ZDHHC17: variants seen among roughly 807,000 people sequenced by gnomAD.
ZDHHC17 encodes zDHHC palmitoyltransferase 17, also known as palmitoyltransferase ZDHHC17.
ZDHHC17 carries 40 observed loss-of-function variants against 90.3 expected under a neutral mutation model. The observed-to-expected ratio is 0.44, with a 90% CI of 0.34 to 0.58. The LOEUF is 0.58. Ranked by LOEUF, ZDHHC17 falls within the 20% of genes least tolerant of loss-of-function variation. The probability of loss-of-function intolerance (pLI) is 0.01; values close to 1 mark genes in which losing one functional copy is unlikely to be tolerated. For missense variants in ZDHHC17, 614 were observed against 780.8 expected, an observed-to-expected ratio of 0.79 and a Z score of 2.55; for synonymous variants, 235 against 252.4, an observed-to-expected ratio of 0.93 and a Z score of 0.65.
intron 10 of ZDHHC17, among the ~76,000 whole-genome samples, chr12:76,831,572 G>A (rs1209439846): frequency 6.6e-6 from 1 of 152,120 alleles, no homozygotes; most frequent in Non-Finnish European, 1.5e-5. Flanking sequence ...GACTGGTCTT[G>A]AACTCCTGAC....
chr12:76,798,526 T>C (rs1952849800), intron 2 of ZDHHC17, among the ~76,000 whole-genome samples: 1 of 149,276 alleles, frequency 6.7e-6, no homozygotes, highest in Non-Finnish European at 1.5e-5. Context: ...GCTTGGGCAA[T>C]AGAATGAGAC....
chr12:76,846,662 T>A lies in ZDHHC17; in HGVS notation c.1490T>A (p.Ile497Asn). The change falls in exon 14 of 17, where the codon ATT (isoleucine) becomes AAT (asparagine). Residue 497 changes from isoleucine (I) to asparagine (N), a missense_variant. Transcript: ENST00000426126. ...FFLLFMICWM[I>N]YGCISYWGLH... ...TTGCTTTTTATGATCTGCTGGATGA[T>A]TTATGGTTGTATATCTTGTGAGTAC... 1 of 1,610,038 alleles carries A rather than the reference T, an allele frequency of 6.2e-7. No individual in the cohort carries two copies. Among genetic ancestry groups the A allele is most frequent in the Non-Finnish European group, 8.5e-7 (1 of 1,177,544 alleles).
At chr12:76,803,042 A>C (rs1952910704) in intron 2 of ZDHHC17, among the ~76,000 whole-genome samples, 1 of 152,006 alleles carries the variant, frequency 6.6e-6, no homozygotes, top group South Asian at 2.1e-4. Context: ...GCTTGAGCCC[A>C]GGAGTTCAAG....
chr12:76,804,220 G>T (rs763096532), intron 2 of ZDHHC17, among the ~76,000 whole-genome samples: 11 of 152,142 alleles, frequency 7.2e-5, no homozygotes, highest in Non-Finnish European at 1.5e-4. Context: ...ACCAGCAGTG[G>T]GATGTTGTAT....
chr12:76,779,492 T>C lies in ZDHHC17; in HGVS notation c.93+15163T>C, dbSNP rs973025153. 7.2e-5 allele frequency among the ~76,000 whole-genome samples: 11 copies of C among 152,052 alleles called. No individual in the cohort carries two copies. In the East Asian group the frequency reaches 2.1e-3, roughly 29 times the overall value. On this transcript the variant is annotated intron_variant, in intron 1 of 16. Transcript: ENST00000426126. ...TATAAAACCATCAGATCTTGTGAGATTACTATCTCACTAGAATAGCATGGG... is the reference window on the plus strand; with the variant it reads ...TATAAAACCATCAGATCTTGTGAGACTACTATCTCACTAGAATAGCATGGG...
chr12:76,804,716 C>T (rs1384139115), intron 2 of ZDHHC17, among the ~76,000 whole-genome samples: 4 of 152,192 alleles, frequency 2.6e-5, no homozygotes, highest in African/African-American at 7.2e-5. Context: ...TAGTACTCGA[C>T]CAGTGAGGAG....
intron 11 of ZDHHC17, among the ~76,000 whole-genome samples, 178 bp from the exon 12 acceptor site, chr12:76,842,741 C>G (rs1953450582): frequency 6.6e-6 from 1 of 152,052 alleles, no homozygotes; most frequent in Admixed American, 6.6e-5. Flanking sequence ...ATAGAGATTG[C>G]TACCCTGTAT....
rs755317061 is a variant in ZDHHC17 at position 76,842,961 on chromosome 12, A to G, written c.1309A>G (p.Ile437Val). The change falls in exon 12 of 17, where the codon ATA becomes GTA. Residue 437 changes from isoleucine to valine, a missense_variant. Ile to Val is a conservative substitution (Grantham distance 29). Coordinates refer to ENST00000426126, the MANE Select transcript of ZDHHC17 (RefSeq NM_015336.4). ...AGAGACAGGAAGTCTGGACCTCAGTATATTCTGCAGTACCTGTTTGGTAGT... is the reference window on the plus strand; with the variant it reads ...AGAGACAGGAAGTCTGGACCTCAGTGTATTCTGCAGTACCTGTTTGGTAGT... ...LAETGSLDLS[I>V]FCSTCLIRKP... is the part of the protein sequence containing the mutation. 6.2e-6 allele frequency: 10 copies of G among 1,611,040 alleles called. No individual in the cohort carries two copies. Among genetic ancestry groups the G allele is most frequent in the Non-Finnish European group, 8.5e-6 (10 of 1,178,262 alleles).
At chr12:76,783,147 A>T (rs1002693184) in intron 1 of ZDHHC17, among the ~76,000 whole-genome samples, 2 of 152,202 alleles carry the variant, frequency 1.3e-5, no homozygotes, top group African/African-American at 4.8e-5. Context: ...ATGTCCTGCA[A>T]GAGAGAGCCC....
intron 1 of ZDHHC17, among the ~76,000 whole-genome samples, chr12:76,793,535 G>C (rs1952784893): frequency 6.6e-6 from 1 of 152,114 alleles, no homozygotes; most frequent in Admixed American, 6.5e-5. Context: ...AAGGGAATGA[G>C]TGTGTGGAGT....
rs554762848 is a variant in ZDHHC17 at position 76,792,182 on chromosome 12, G to C, written c.94-5252G>C. 4.6e-5 allele frequency among the ~76,000 whole-genome samples: 7 copies of C among 152,196 alleles called. No homozygotes were observed. The East Asian group carries it at 1.4e-3, about 29-fold the overall frequency. ...TTTATGCTATATAGGCTCCACTCCA[G>C]GTCACTTCATTGGCATAAACTCTGG... is the stretch of plus-strand genomic sequence containing the variant. On this transcript the variant is annotated intron_variant, in intron 1 of 16. Transcript: ENST00000426126.
chr12:76,767,278 T>C (rs1952442170), intron 1 of ZDHHC17, among the ~76,000 whole-genome samples: 1 of 152,238 alleles, frequency 6.6e-6, no homozygotes, highest in African/African-American at 2.4e-5. Context: ...TTTCACTTTT[T>C]ATCTTCCAAT....
chr12:76,813,613 A>G (rs1953051078), intron 5 of ZDHHC17, among the ~76,000 whole-genome samples: 1 of 152,106 alleles, frequency 6.6e-6, no homozygotes. Flanking sequence ...ATAGTGTTTT[A>G]CAGTGTGCTT....
chr12:76,811,662 T>A (rs760482212), intron 5 of ZDHHC17, among the ~76,000 whole-genome samples: 4 of 152,058 alleles, frequency 2.6e-5, no homozygotes, highest in Non-Finnish European at 5.9e-5. Context: ...AGATAATAAA[T>A]GTTTATTATG....
At chr12:76,769,088 C>T (rs181256370) in intron 1 of ZDHHC17, 11 of 424,066 alleles carry the variant, frequency 2.6e-5, no homozygotes, top group East Asian at 7.6e-5. Context: ...GATGGAGTTG[C>T]GCTCTTGTTG....
At chr12:76,814,842 A>G (rs534562007) in intron 5 of ZDHHC17, among the ~76,000 whole-genome samples, 1 of 152,178 alleles carries the variant, frequency 6.6e-6, no homozygotes, top group Non-Finnish European at 1.5e-5. Context: ...CAGAAACTTA[A>G]TCACTTAACC....
intron 1 of ZDHHC17, among the ~76,000 whole-genome samples, chr12:76,786,090 A>G (rs1350242241): frequency 2.6e-5 from 4 of 151,128 alleles, no homozygotes; most frequent in Non-Finnish European, 5.9e-5. Context: ...TCAAGGGGGA[A>G]TTAGTTTTCT....
chr12:76,789,824 C>T (rs1262645983), intron 1 of ZDHHC17, among the ~76,000 whole-genome samples: 3 of 151,984 alleles, frequency 2.0e-5, no homozygotes, highest in Admixed American at 1.3e-4. Flanking sequence ...TACAAAATAC[C>T]TGACTAGTTA....
chr12:76,765,561 T>G (rs1952421016), intron 1 of ZDHHC17, among the ~76,000 whole-genome samples: 1 of 152,216 alleles, frequency 6.6e-6, no homozygotes, highest in African/African-American at 2.4e-5. Context: ...GACATCTCTT[T>G]TGGTTCACTT....
Sources: gnomAD v4.1 joint callset for allele counts (sites outside exome capture counted in the v4.1 genomes callset) on GRCh38, gnomAD v4.1.1 for gene constraint, MANE v1.5 for transcripts, NCBI Gene and HGNC (gene_info 2026-07-23, HGNC 2026-07-21) for gene names.